The following IFT81 variants were observed in gnomAD, a reference collection of about 807,000 sequenced individuals.
IFT81 encodes the protein intraflagellar transport 81.
A neutral mutation model predicts 102.6 loss-of-function variants in IFT81; 72 were observed. The observed-to-expected ratio is 0.70, with a 90% confidence interval of 0.58 to 0.85. The LOEUF is 0.85. IFT81 is among the 40% of genes least tolerant of loss of function. The probability of loss-of-function intolerance (pLI) is 0.00; values close to 1 mark genes in which losing one functional copy is unlikely to be tolerated. For synonymous variants in IFT81, 237 were observed against 242.7 expected, an observed-to-expected ratio of 0.98 and a Z score of 0.22; for missense variants, 723 against 787.3, an observed-to-expected ratio of 0.92 and a Z score of 0.98.
At chr12:110,163,515 A>G (rs1896261404) in intron 11 of IFT81, among the ~76,000 whole-genome samples, 1 of 152,154 alleles carries the variant, frequency 6.6e-6, no homozygotes, top group Admixed American at 6.6e-5. Context: ...TGCTGGGATT[A>G]CAGGCGTGAG....
chr12:110,169,334 C>G (rs552040370), intron 11 of IFT81, among the ~76,000 whole-genome samples: 1 of 152,224 alleles, frequency 6.6e-6, no homozygotes, highest in Admixed American at 6.5e-5. Context: ...CCTTTTCCCT[C>G]TGCGATTTTG....
At chr12:110,177,579 T>C (rs1593339707) in intron 11 of IFT81, among the ~76,000 whole-genome samples, 1 of 152,254 alleles carries the variant, frequency 6.6e-6, no homozygotes, top group South Asian at 2.1e-4. Context: ...CCACCGCACC[T>C]GACCAGCTCT....
intron 14 of IFT81, among the ~76,000 whole-genome samples, chr12:110,194,172 C>T (rs1897910302): frequency 6.6e-6 from 1 of 152,158 alleles, no homozygotes; most frequent in African/African-American, 2.4e-5. Context: ...ATCCAATCAC[C>T]TCCCACCAGG....
chr12:110,197,255 GATAGATAGA>G (rs1566163066), intron 14 of IFT81, among the ~76,000 whole-genome samples: 3 of 119,058 alleles, frequency 2.5e-5, no homozygotes, highest in African/African-American at 8.7e-5. Flanking sequence ...TAGGTAGATA[GATAGATAGA>G]TAGATAGATA....
intron 17 of IFT81, among the ~76,000 whole-genome samples, chr12:110,208,325 A>G (rs1294645606): frequency 1.3e-5 from 2 of 152,180 alleles, no homozygotes; most frequent in African/African-American, 2.4e-5. Context: ...CAACATGGCA[A>G]AACCCTGTGT....
At chr12:110,172,693 A>G (rs1057379427) in intron 11 of IFT81, among the ~76,000 whole-genome samples, 7 of 151,926 alleles carry the variant, frequency 4.6e-5, no homozygotes, top group East Asian at 3.9e-4. Flanking sequence ...TCAGTGCTCA[A>G]TGGTGCCCAG....
At chr12:110,151,496 T>C (rs1206435985) in intron 10 of IFT81, among the ~76,000 whole-genome samples, 5 of 152,204 alleles carry the variant, frequency 3.3e-5, no homozygotes, top group Admixed American at 6.5e-5. Flanking sequence ...AACATTCTTA[T>C]ACAAGTTTTT....
chr12:110,202,066 T>G (rs965629925), intron 14 of IFT81, among the ~76,000 whole-genome samples: 3 of 152,350 alleles, frequency 2.0e-5, no homozygotes, highest in African/African-American at 4.8e-5. Context: ...TCAAGTATTA[T>G]ATACAGTACA....
At position 110,205,394 on chromosome 12, in the gene IFT81, C is replaced by A. The variant is rs760658745; in HGVS notation, c.1645-49C>A. The A allele has an allele frequency of 2.6e-6, 4 of 1,535,064 alleles. No individual in the cohort carries two copies. The South Asian group carries it at 3.8e-5, about 15-fold the overall frequency. Reference sequence around the variant, plus strand: ...ACATCTAAAGTCATCGTCGCCATATCTGTCTCATTCTTTCGATAATGTCAC... The same window carrying A: ...ACATCTAAAGTCATCGTCGCCATATATGTCTCATTCTTTCGATAATGTCAC... On this transcript the variant is annotated intron_variant, in intron 15 of 18. Coordinates refer to ENST00000242591, the MANE Select transcript of IFT81 (RefSeq NM_014055.4).
chr12:110,172,202 G>T, intron 11 of IFT81: 1 of 152,730 alleles, frequency 6.5e-6, no homozygotes, highest in Non-Finnish European at 1.5e-5. Flanking sequence ...GGCCGAGGCA[G>T]GAGGATCACC....
intron 14 of IFT81, among the ~76,000 whole-genome samples, chr12:110,200,874 C>T (rs534785405): frequency 6.6e-6 from 1 of 151,606 alleles, no homozygotes. Context: ...TGCTTGAACC[C>T]GGGAGGCGGA....
intron 17 of IFT81, among the ~76,000 whole-genome samples, chr12:110,208,117 A>G (rs1333904709): frequency 6.6e-6 from 1 of 152,196 alleles, no homozygotes; most frequent in African/African-American, 2.4e-5. Flanking sequence ...GTTTGCTGAT[A>G]CATCTGTATA....
chr12:110,215,626 T>C (rs1870007963), intron 18 of IFT81, among the ~76,000 whole-genome samples: 1 of 151,226 alleles, frequency 6.6e-6, no homozygotes, highest in African/African-American at 2.4e-5. Context: ...CATACACAAC[T>C]AATTAAAAAA....
At chr12:110,172,542 A>G (rs1374371154) in intron 11 of IFT81, among the ~76,000 whole-genome samples, 3 of 152,042 alleles carry the variant, frequency 2.0e-5, no homozygotes, top group Non-Finnish European at 2.9e-5. Context: ...GCGCGCCGCC[A>G]CGCCTGACTG....
chr12:110,196,275 T>G (rs1386161175), intron 14 of IFT81, among the ~76,000 whole-genome samples: 3 of 152,120 alleles, frequency 2.0e-5, no homozygotes, highest in African/African-American at 7.2e-5. Context: ...TCCTAGCACT[T>G]TGGGAGGCGA....
At chr12:110,145,592 A>G (rs990735808) in intron 9 of IFT81, among the ~76,000 whole-genome samples, 2 of 151,060 alleles carry the variant, frequency 1.3e-5, no homozygotes, top group African/African-American at 4.9e-5. Flanking sequence ...ACCTGCCACC[A>G]TGCCCAGCTA....
chr12:110,143,218 CAAT>C (rs1309281303), intron 8 of IFT81, among the ~76,000 whole-genome samples, 161 bp from the exon 9 acceptor site: 3 of 151,980 alleles, frequency 2.0e-5, no homozygotes, highest in African/African-American at 7.2e-5. Context: ...TTGTAATTAA[CAAT>C]AAAATATTTC....
In IFT81 at chr12:110,215,950, T is replaced by A. The variant is rs188209255; in HGVS notation, c.1849-2094T>A. Among the ~76,000 whole-genome samples the A allele has an allele frequency of 1.6e-4, 25 of 151,678 alleles. 1 individual carries two copies. Among genetic ancestry groups the A allele is most frequent in the Admixed American group, 5.9e-4 (9 of 15,274 alleles). ...ATTTAATAGTGTACTATTTTCGTAA[T>A]CACTGGGCCTGCTCTCTGAAGTATA... is the stretch of plus-strand genomic sequence containing the variant. On this transcript the variant is annotated intron_variant, in intron 18 of 18. Transcript: ENST00000242591.
chr12:110,154,132 G>A (rs954137180), intron 10 of IFT81, among the ~76,000 whole-genome samples: 1 of 152,062 alleles, frequency 6.6e-6, no homozygotes. Flanking sequence ...ACAGGTGCCT[G>A]CCACCACCCT....
Sources: allele counts gnomAD v4.1 joint callset (sites outside exome capture counted in the v4.1 genomes callset), GRCh38; gene constraint gnomAD v4.1.1; transcripts MANE v1.5; gene names NCBI Gene and HGNC (gene_info 2026-07-23, HGNC 2026-07-21).